ELF1: variants seen among roughly 807,000 people sequenced by gnomAD.
The protein encoded by ELF1 is ETS-related transcription factor Elf-1.
Under a neutral mutation model 59.9 loss-of-function variants are expected in ELF1, and 24 were observed. The ratio of observed to expected loss-of-function variants is 0.40; its 90% CI spans 0.29 to 0.56. ELF1 has a LOEUF of 0.56. ELF1 is among the 20% of genes least tolerant of loss of function. ELF1 has a pLI of 0.44. For synonymous variants in ELF1, 248 were observed against 266.2 expected, an observed-to-expected ratio of 0.93 and a Z score of 0.67; for missense variants, 627 against 742.2, an observed-to-expected ratio of 0.84 and a Z score of 1.80.
chr13:40,933,999 A>C lies in ELF1; in HGVS notation c.1286T>G (p.Val429Gly). ...RTIQAPTQVP[V>G]VVSPRNQQLH... ...CTGCTGATTCCTAGGAGACACAACC[A>C]CTGGAACTTGGGTTGGAGCCTGTAT... The change falls in exon 9 of 9, where the codon GTG becomes GGG. Residue 429 changes from valine to glycine, a missense_variant. Val to Gly is a moderately radical substitution (Grantham distance 109). Around this residue, in one of 3 missense-constraint regions of ELF1, gnomAD observed 361 missense variants for 396.1 expected, o/e 0.91. Coordinates refer to ENST00000239882, the MANE Select transcript of ELF1 (RefSeq NM_172373.4). 5 of 1,614,104 alleles carry C rather than the reference A, an allele frequency of 3.1e-6. No homozygotes were observed. Among genetic ancestry groups the C allele is most frequent in the Non-Finnish European group, 4.2e-6 (5 of 1,179,958 alleles).
chr13:40,987,085 G>A (rs1873592380), intron 1 of ELF1, among the ~76,000 whole-genome samples: 3 of 150,070 alleles, frequency 2.0e-5, no homozygotes, highest in African/African-American at 7.3e-5. Flanking sequence ...ACAGGCGCCC[G>A]CCACCACGCC....
intron 1 of ELF1, among the ~76,000 whole-genome samples, chr13:41,009,139 T>A (rs1297330125): frequency 6.6e-6 from 1 of 151,914 alleles, no homozygotes; most frequent in Admixed American, 6.6e-5. Context: ...GGGCGTATTA[T>A]TTTTAAATAA....
rs1873318642 is a variant in ELF1, at chr13:40,982,291, C to T, written c.-228-9G>A. ...CTCTCAAGCTTCTTGGCCTAAAAAA[C>T]AAAAGCTCAGATTAGTTATGAAAAA... On this transcript the variant is annotated splice_polypyrimidine_tract_variant and intron_variant, in intron 1 of 8. Transcript: ENST00000239882. 1 of 1,244,826 alleles carries T rather than the reference C, an allele frequency of 8.0e-7. No homozygotes were observed. The highest frequency in any genetic ancestry group is 1.0e-6 in the Non-Finnish European group (1 of 992,476). 77.1% of individuals were successfully genotyped at this position (1,244,826 alleles called of 1,614,324 possible).
intron 1 of ELF1, among the ~76,000 whole-genome samples, chr13:41,049,767 A>G (rs917790416): frequency 1.3e-5 from 2 of 152,164 alleles, no homozygotes; most frequent in East Asian, 1.9e-4. Flanking sequence ...CCTTCCCTAC[A>G]CTATGTTAGG....
intron 3 of ELF1, among the ~76,000 whole-genome samples, chr13:40,955,772 C>T (rs1319811268): frequency 1.1e-3 from 39 of 34,026 alleles, no homozygotes; most frequent in Middle Eastern, 0.017. Flanking sequence ...GGGAGGGAGG[C>T]GGGGGGGTCA....
chr13:40,983,113 T>C (rs927948393), intron 1 of ELF1, among the ~76,000 whole-genome samples: 1 of 152,148 alleles, frequency 6.6e-6, no homozygotes, highest in South Asian at 2.1e-4. Flanking sequence ...AAAAAAGTTA[T>C]CAATACTAAC....
At chr13:41,048,046 G>A (rs1330707087) in intron 1 of ELF1, among the ~76,000 whole-genome samples, 2 of 152,212 alleles carry the variant, frequency 1.3e-5, no homozygotes, top group Admixed American at 6.5e-5. Flanking sequence ...AGCAATGAGC[G>A]AGGGTCTGTG....
At chr13:41,003,268 C>G (rs1195265950) in intron 1 of ELF1, among the ~76,000 whole-genome samples, 5 of 152,124 alleles carry the variant, frequency 3.3e-5, no homozygotes, top group Non-Finnish European at 7.4e-5. Context: ...AAAGGACACT[C>G]AAAAACCCTA....
intron 3 of ELF1, among the ~76,000 whole-genome samples, chr13:40,955,679 G>C (rs1417250964): frequency 8.2e-6 from 1 of 121,942 alleles, no homozygotes; most frequent in Non-Finnish European, 1.8e-5. Flanking sequence ...GGAGGTGGGG[G>C]AGTCAGCCCC....
chr13:41,016,963 T>A lies in ELF1; in HGVS notation c.-229+2265A>T, dbSNP rs544272499. On this transcript the variant is annotated intron_variant, in intron 1 of 8. Coordinates refer to ENST00000239882, the MANE Select transcript of ELF1 (RefSeq NM_172373.4). ...AAAAAAAAAAATATATATATATATA[T>A]ATATATATATATATATATGAGCTAA... Among the ~76,000 whole-genome samples the A allele has an allele frequency of 3.8e-3, 410 of 107,982 alleles. 18 individuals carry two copies. Among genetic ancestry groups the A allele is most frequent in the African/African-American group, 0.013 (344 of 27,418 alleles). The allele number at this position is 107,982 out of a possible 152,430, so 70.8% of individuals were successfully genotyped here.
chr13:41,037,520 G>T (rs1327422540), intron 1 of ELF1, among the ~76,000 whole-genome samples: 4 of 152,152 alleles, frequency 2.6e-5, no homozygotes, highest in Non-Finnish European at 5.9e-5. Context: ...TTTGAGGCTG[G>T]GCACGGTGGC....
Position 40,951,422 on chromosome 13 carries a change from G to T in ELF1, c.268C>A (p.His90Asn), listed in dbSNP as rs1377566722. The T allele has an allele frequency of 1.2e-6, 2 of 1,613,612 alleles. No homozygotes were observed. Among genetic ancestry groups the T allele is most frequent in the Non-Finnish European group, 1.7e-6 (2 of 1,179,808 alleles). Residue 90 changes from histidine (H) to asparagine (N), a missense_variant, in exon 4 of 9, where the codon CAT becomes AAT. By Grantham distance (68) the His-to-Asn change is moderately conservative (BLOSUM62 1). Coordinates refer to ENST00000239882, the MANE Select transcript of ELF1 (RefSeq NM_172373.4). Reference protein sequence around the residue: ...DITLTVEASCHDGDETIETIE... With the variant: ...DITLTVEASCNDGDETIETIE... ...GTTTCAATTGTTTCATCCCCGTCAT[G>T]ACAAGAAGCTTCAACTGCAACACAT...
chr13:40,996,561 C>T (rs1183832501), intron 1 of ELF1, among the ~76,000 whole-genome samples: 1 of 152,160 alleles, frequency 6.6e-6, no homozygotes, highest in Admixed American at 6.5e-5. Flanking sequence ...ATAAAATGTA[C>T]ACCACCATAA....
At chr13:41,053,127 G>A (rs1012732646) in intron 1 of ELF1, among the ~76,000 whole-genome samples, 2 of 152,164 alleles carry the variant, frequency 1.3e-5, no homozygotes, top group African/African-American at 4.8e-5. Flanking sequence ...GCTGAGGCAG[G>A]AGGATCACTT....
chr13:41,012,525 AT>A (rs897926430), intron 1 of ELF1, among the ~76,000 whole-genome samples: 17 of 133,406 alleles, frequency 1.3e-4, no homozygotes, highest in African/African-American at 2.5e-4. Context: ...TCTAAGTTTG[AT>A]TTTTTTTTCT....
At chr13:41,060,864 CT>C in exon 1 of ELF1, 1 of 330,640 alleles carries the variant, frequency 3.0e-6, no homozygotes. Flanking sequence ...CCTCTGCCTC[CT>C]TCGCCGCACC....
chr13:40,940,957 T>C lies in ELF1; in HGVS notation c.1220A>G (p.Gln407Arg). ...EGEAARTSTM[Q>R]DETLNSSVQS... ...AACGGAAGAATTTAATGTTTCATCCTGCATGGTACTGGTTCTAGCTGCTTC... is the reference window on the plus strand; with the variant it reads ...AACGGAAGAATTTAATGTTTCATCCCGCATGGTACTGGTTCTAGCTGCTTC... The change falls in exon 8 of 9, where the codon CAG (glutamine) becomes CGG (arginine). Residue 407 changes from glutamine (Q) to arginine (R), a missense_variant. Transcript: ENST00000239882. 1.2e-6 allele frequency: 2 copies of C among 1,614,034 alleles called. No homozygotes were observed. The highest frequency in any genetic ancestry group is 1.7e-6 in the Non-Finnish European group (2 of 1,179,982).
intron 1 of ELF1, among the ~76,000 whole-genome samples, chr13:40,990,070 A>G (rs1306337022): frequency 1.3e-5 from 2 of 152,210 alleles, no homozygotes; most frequent in Non-Finnish European, 2.9e-5. Flanking sequence ...ATTTATACAC[A>G]TTCGATACAT....
At chr13:40,950,724 T>A (rs1335706828) in intron 4 of ELF1, among the ~76,000 whole-genome samples, 1 of 152,248 alleles carries the variant, frequency 6.6e-6, no homozygotes, top group Non-Finnish European at 1.5e-5. Context: ...TTTACATAAG[T>A]AACTGTCTTC....
Sources: gnomAD v4.1 joint callset for allele counts (sites outside exome capture counted in the v4.1 genomes callset) on GRCh38, gnomAD v4.1.1 for gene constraint, gnomAD v4.1.1 regional missense constraint, MANE v1.5 for transcripts, NCBI Gene and HGNC (gene_info 2026-07-23, HGNC 2026-07-21) for gene names.